The following TRAPPC10 variants were observed in gnomAD, a reference collection of about 807,000 sequenced individuals.
TRAPPC10 encodes the protein TRAPP 130 kDa subunit.
In TRAPPC10, 23 loss-of-function variants were observed where a neutral mutation model predicts 125.5. The observed-to-expected ratio is 0.18, with a 90% CI of 0.13 to 0.26. The LOEUF (loss-of-function observed/expected upper bound fraction) is 0.26. Ranked by LOEUF, TRAPPC10 falls within the 10% of genes least tolerant of loss-of-function variation. The pLI, the probability that TRAPPC10 is intolerant of heterozygous loss-of-function variation, is 1.00. For missense variants in TRAPPC10, 1,123 were observed against 1,308.4 expected, an observed-to-expected ratio of 0.86 and a Z score of 2.19; for synonymous variants, 509 against 518.0, an observed-to-expected ratio of 0.98 and a Z score of 0.24.
intron 1 of TRAPPC10, among the ~76,000 whole-genome samples, chr21:44,023,501 C>G (rs530983257): frequency 6.6e-6 from 1 of 152,126 alleles, no homozygotes; most frequent in Non-Finnish European, 1.5e-5. Context: ...AGGTTGTTCT[C>G]CCTTTGGCCA....
Position 44,086,968 on chromosome 21 carries a change from G to A in TRAPPC10, c.2539+8G>A. 6.2e-7 allele frequency: 1 copy of A among 1,613,640 alleles called. No individual in the cohort carries two copies. The highest frequency in any genetic ancestry group is 1.1e-5 in the South Asian group (1 of 91,062). On this transcript the variant is annotated splice_region_variant and intron_variant, in intron 16 of 22. Transcript: ENST00000291574. ...TCTACTCCAACACGAGAGGTGAGGT[G>A]CCGCCCACCCAGGCCCAAGGAGGAT...
At chr21:44,058,472 T>C (rs1601694935) in intron 5 of TRAPPC10, among the ~76,000 whole-genome samples, 3 of 152,188 alleles carry the variant, frequency 2.0e-5, no homozygotes, top group South Asian at 4.1e-4. Flanking sequence ...GTCTCTTGAA[T>C]GTGATGAGCA....
chr21:44,021,688 G>T (rs1271773351), intron 1 of TRAPPC10, among the ~76,000 whole-genome samples: 1 of 152,192 alleles, frequency 6.6e-6, no homozygotes, highest in Non-Finnish European at 1.5e-5. Flanking sequence ...CTGACTCCCA[G>T]TGTGCTAAGA....
At chr21:44,071,171 C>T (rs2036838139) in intron 7 of TRAPPC10, among the ~76,000 whole-genome samples, 1 of 152,220 alleles carries the variant, frequency 6.6e-6, no homozygotes. Context: ...GTTCACAAAT[C>T]AGCCAGAAGG....
At chr21:44,054,470 A>T (rs186140974) in intron 4 of TRAPPC10, among the ~76,000 whole-genome samples, 81 of 152,388 alleles carry the variant, frequency 5.3e-4, no homozygotes, top group African/African-American at 1.9e-3. Flanking sequence ...TAATTCAAGT[A>T]AAATATTTAC....
intron 7 of TRAPPC10, among the ~76,000 whole-genome samples, chr21:44,064,293 T>C (rs941283323): frequency 6.6e-6 from 1 of 151,366 alleles, no homozygotes; most frequent in Non-Finnish European, 1.5e-5. Context: ...ATGGAAGATA[T>C]GTCATAAATA....
intron 1 of TRAPPC10, among the ~76,000 whole-genome samples, chr21:44,025,822 GT>G (rs1422746579): frequency 0.14 from 83 of 598 alleles, 2 homozygotes; most frequent in South Asian, 0.33. Context: ...GAGGGCAGGG[GT>G]GTGTGTGTGT....
intron 1 of TRAPPC10, among the ~76,000 whole-genome samples, chr21:44,021,775 AG>A (rs1192359354): frequency 6.6e-6 from 1 of 152,130 alleles, no homozygotes; most frequent in African/African-American, 2.4e-5. Context: ...GGATTAGATG[AG>A]GAAGAGTGAG....
intron 6 of TRAPPC10, chr21:44,062,505 T>C (rs544887443): frequency 2.0e-6 from 2 of 982,718 alleles, no homozygotes; most frequent in African/African-American, 1.7e-5. Context: ...CACAGAGGCC[T>C]GACTGAAATG....
At chr21:44,022,412 T>TA (rs1272752649) in intron 1 of TRAPPC10, among the ~76,000 whole-genome samples, 2 of 149,618 alleles carry the variant, frequency 1.3e-5, no homozygotes, top group African/African-American at 4.9e-5. Context: ...GCCTCCCGAG[T>TA]AGCTGGGATT....
chr21:44,073,613 T>TA lies in TRAPPC10; in HGVS notation c.1039-710dup, dbSNP rs1384251966. On this transcript the variant is annotated intron_variant, in intron 7 of 22. Transcript: ENST00000291574. The stretch of plus-strand genomic sequence containing the variant: ...TTCCCATGTAGGACCCATGAACAGT[T>TA]ACAGTAGGCGCGGTACCTGGCCAGC... 3.9e-5 allele frequency among the ~76,000 whole-genome samples: 6 copies of TA among 152,268 alleles called. No homozygotes were observed. The South Asian group carries it at 1.2e-3, about 32-fold the overall frequency.
At chr21:44,018,660 C>T (rs2032146118) in intron 1 of TRAPPC10, among the ~76,000 whole-genome samples, 1 of 150,774 alleles carries the variant, frequency 6.6e-6, no homozygotes, top group African/African-American at 2.4e-5. Flanking sequence ...GATCATGCCA[C>T]TGCACTCCAG....
intron 1 of TRAPPC10, among the ~76,000 whole-genome samples, chr21:44,025,704 A>T (rs1448576986): frequency 6.6e-6 from 1 of 152,162 alleles, no homozygotes; most frequent in Non-Finnish European, 1.5e-5. Context: ...CCTTTTCTGC[A>T]AATTTCCACA....
chr21:44,064,224 G>C (rs1453262676), intron 7 of TRAPPC10, among the ~76,000 whole-genome samples: 3 of 152,176 alleles, frequency 2.0e-5, no homozygotes, highest in African/African-American at 4.8e-5. Flanking sequence ...GGCCATGCAG[G>C]TAGCAATGTG....
chr21:44,055,597 G>A (rs1463270126), intron 4 of TRAPPC10, 101 bp from the exon 5 acceptor site: 4 of 919,888 alleles, frequency 4.3e-6, no homozygotes, highest in East Asian at 2.5e-5. Context: ...AAAAAAAGGA[G>A]GAGGAAGGAA....
At chr21:44,014,762 A>C (rs2031625944) in intron 1 of TRAPPC10, among the ~76,000 whole-genome samples, 1 of 152,198 alleles carries the variant, frequency 6.6e-6, no homozygotes, top group South Asian at 2.1e-4. Context: ...CTCTGCATGG[A>C]TGGTACACTG....
At chr21:44,032,283 G>T in intron 2 of TRAPPC10, 111 bp downstream of exon 2, 1 of 824,100 alleles carries the variant, frequency 1.2e-6, no homozygotes, top group South Asian at 1.8e-5. Flanking sequence ...AAGTGAAGTA[G>T]CACAAGTTAA....
intron 4 of TRAPPC10, among the ~76,000 whole-genome samples, chr21:44,052,784 C>G (rs963877458): frequency 3.3e-5 from 5 of 151,936 alleles, no homozygotes; most frequent in African/African-American, 1.2e-4. Context: ...TAGAACGGGT[C>G]CTTAAAGGTT....
At chr21:44,094,829 A>G (rs1045017039) in intron 20 of TRAPPC10, among the ~76,000 whole-genome samples, 1 of 152,054 alleles carries the variant, frequency 6.6e-6, no homozygotes, top group Non-Finnish European at 1.5e-5. Context: ...TCTCTTTACT[A>G]TTTGAAATTA....
Sources: gnomAD v4.1 joint callset for allele counts (sites outside exome capture counted in the v4.1 genomes callset) on GRCh38, gnomAD v4.1.1 for gene constraint, MANE v1.5 for transcripts, NCBI Gene and HGNC (gene_info 2026-07-23, HGNC 2026-07-21) for gene names.